The following AKAP14 variants were observed in gnomAD, a reference collection of about 807,000 sequenced individuals.
AKAP14 encodes A-kinase anchor protein 14.
A neutral mutation model predicts 17.0 loss-of-function variants in AKAP14; 4 were observed. The ratio of observed to expected loss-of-function variants is 0.23; its 90% CI spans 0.12 to 0.54. The LOEUF (loss-of-function observed/expected upper bound fraction) is 0.54. Among genes scored for constraint, AKAP14 ranks in the 20% least tolerant of loss-of-function variants. The pLI, the probability that AKAP14 is intolerant of heterozygous loss-of-function variation, is 0.95. For missense variants in AKAP14, 129 were observed against 150.9 expected (o/e 0.85, Z 0.76); for synonymous variants, 42 against 51.3 (o/e 0.82, Z 0.77).
intron 4 of AKAP14, among the ~76,000 whole-genome samples, chrX:119,907,618 C>T (rs1426545194): frequency 9.2e-6 from 1 of 109,102 alleles, no homozygotes; most frequent in Non-Finnish European, 1.9e-5. Flanking sequence ...GCACCATGGC[C>T]GAGTAAATTT....
rs764032199 is a variant in AKAP14, at chrX:119,903,386, G to A, written c.163G>A (p.Val55Met). 4.1e-6 allele frequency: 5 copies of A among 1,210,105 alleles called. No homozygotes were observed. Among genetic ancestry groups the A allele is most frequent in the Non-Finnish European group, 5.6e-6 (5 of 895,214 alleles). The change falls in exon 3 of 7, where the codon GTG becomes ATG. Residue 55 changes from valine to methionine, a missense_variant. By Grantham distance (21) the Val-to-Met change is conservative. Coordinates refer to ENST00000371431, the MANE Select transcript of AKAP14 (RefSeq NM_178813.6). ...EDVINYAVKI[V>M]EEERNPLKNI... ...TGTCATCAATTATGCTGTTAAGATTGTGGAAGGTAGTGATCCTGTTTGTTT... is the reference window on the plus strand; with the variant it reads ...TGTCATCAATTATGCTGTTAAGATTATGGAAGGTAGTGATCCTGTTTGTTT...
intron 4 of AKAP14, among the ~76,000 whole-genome samples, chrX:119,906,717 A>G (rs1419815287): frequency 9.2e-6 from 1 of 108,431 alleles, no homozygotes; most frequent in African/African-American, 3.3e-5. Flanking sequence ...TTTTATTTTT[A>G]ATTTTTAGTA....
intron 4 of AKAP14, among the ~76,000 whole-genome samples, chrX:119,906,378 G>A (rs1001363072): frequency 1.8e-5 from 2 of 108,156 alleles, no homozygotes; most frequent in Non-Finnish European, 3.8e-5. Flanking sequence ...GGGACTACAG[G>A]CGTGTGCCAC....
In AKAP14 at chrX:119,915,124, G is replaced by A. The variant is rs144652878; in HGVS notation, c.441+246G>A. Among the ~76,000 whole-genome samples the A allele has an allele frequency of 6.9e-3, 770 of 111,254 alleles. 6 individuals carry two copies. Among genetic ancestry groups the A allele is most frequent in the African/African-American group, 0.022 (661 of 30,705 alleles). On this transcript the variant is annotated intron_variant, in intron 5 of 6. Coordinates refer to ENST00000371431, the MANE Select transcript of AKAP14 (RefSeq NM_178813.6). ...CTCACTGACCATTCCTTCACAGTCC[G>A]TCTCTACTGGTAGTTTCCCTGCCTC... is the stretch of plus-strand genomic sequence containing the variant.
At position 119,902,906 on chromosome X, in the gene AKAP14, G is replaced by C. The variant is rs2147829253; in HGVS notation, c.-10-308G>C. On this transcript the variant is annotated intron_variant, in intron 2 of 6. Transcript: ENST00000371431. The stretch of plus-strand genomic sequence containing the variant: ...GGGTTTCACCATGTTGGTCAGGCTG[G>C]TCTTGAACTCCTGACCTCAGGTGAT... 2.7e-5 allele frequency among the ~76,000 whole-genome samples: 3 copies of C among 111,762 alleles called. No homozygotes were observed. The East Asian group carries it at 8.5e-4, about 31-fold the overall frequency.
chrX:119,900,833 G>A (rs1028636342), intron 2 of AKAP14, among the ~76,000 whole-genome samples: 3 of 112,165 alleles, frequency 2.7e-5, no homozygotes, highest in Admixed American at 9.6e-5. Context: ...CACTGCACCC[G>A]GCTGCCTGTA....
intron 4 of AKAP14, among the ~76,000 whole-genome samples, chrX:119,906,555 CAG>C (rs1174973256): frequency 1.0e-5 from 1 of 97,159 alleles, no homozygotes; most frequent in Non-Finnish European, 2.0e-5. Context: ...TTTTTTGAGA[CAG>C]AGTTTCACTC....
intron 6 of AKAP14, 96 bp downstream of exon 6, chrX:119,920,059 A>AT (rs1215725830): frequency 1.1e-6 from 1 of 911,888 alleles, no homozygotes; most frequent in Admixed American, 2.3e-5. Flanking sequence ...AGTTCATGTA[A>AT]TGGTCACTTT....
intron 4 of AKAP14, among the ~76,000 whole-genome samples, chrX:119,905,554 C>G (rs975925002): frequency 3.4e-4 from 38 of 111,591 alleles, no homozygotes; most frequent in African/African-American, 9.7e-4. Flanking sequence ...CCAATATGAT[C>G]TGAGTTCCCT....
intron 4 of AKAP14, among the ~76,000 whole-genome samples, chrX:119,913,735 C>A (rs1287929093): frequency 3.7e-5 from 4 of 109,480 alleles, no homozygotes; most frequent in African/African-American, 1.3e-4. Context: ...AAGATCACGC[C>A]ACTGCACTCC....
At chrX:119,899,680 A>G (rs2056553490) in intron 2 of AKAP14, among the ~76,000 whole-genome samples, 1 of 111,608 alleles carries the variant, frequency 9.0e-6, no homozygotes, top group Non-Finnish European at 1.9e-5. Flanking sequence ...AGAGGGCACC[A>G]TTTATGGGTG....
At chrX:119,915,707 T>C (rs751427525) in intron 5 of AKAP14, among the ~76,000 whole-genome samples, 2 of 111,845 alleles carry the variant, frequency 1.8e-5, no homozygotes, top group Admixed American at 1.9e-4. Flanking sequence ...GGTTTCACCA[T>C]GTTGGCCAGG....
chrX:119,903,267 A>C lies in AKAP14; in HGVS notation c.44A>C (p.Glu15Ala), dbSNP rs1317742573. 8.3e-7 allele frequency: 1 copy of C among 1,211,623 alleles called. No individual in the cohort carries two copies. Among genetic ancestry groups the C allele is most frequent in the Non-Finnish European group, 1.1e-6 (1 of 895,532 alleles). Reference protein sequence around the residue: ...QNSTSQKAMDEDNKAASQTMP... With the variant: ...QNSTSQKAMDADNKAASQTMP... ...TCAACAAGCCAGAAAGCAATGGATG[A>C]GGATAACAAAGCCGCAAGCCAAACA... Residue 15 changes from glutamate (E) to alanine (A), a missense_variant, in exon 3 of 7, where the codon GAG becomes GCG. Physicochemically the swap from Glu to Ala is moderately radical, Grantham distance 107. Transcript: ENST00000371431.
chrX:119,920,322 G>T (rs2056681870), intron 6 of AKAP14, among the ~76,000 whole-genome samples, 186 bp from the exon 7 acceptor site: 1 of 110,520 alleles, frequency 9.0e-6, no homozygotes, highest in African/African-American at 3.3e-5. Flanking sequence ...TCCTTTCATT[G>T]ACTGGGCTTA....
chrX:119,910,815 A>C (rs761686832), intron 4 of AKAP14, among the ~76,000 whole-genome samples: 2 of 108,805 alleles, frequency 1.8e-5, no homozygotes, highest in Non-Finnish European at 3.8e-5. Flanking sequence ...GGCATGCACC[A>C]CCACGCTGGG....
intron 2 of AKAP14, among the ~76,000 whole-genome samples, chrX:119,899,616 G>A (rs2056553108): frequency 9.0e-6 from 1 of 111,126 alleles, no homozygotes; most frequent in Admixed American, 9.6e-5. Flanking sequence ...AAACCACCAG[G>A]GACATACATT....
In AKAP14 at chrX:119,919,946, C is replaced by T. The variant is rs1007497568; in HGVS notation, c.477C>T (p.His159=). The T allele has an allele frequency of 3.6e-5, 44 of 1,207,845 alleles. No individual in the cohort carries two copies. The highest frequency in any genetic ancestry group is 4.7e-5 in the Non-Finnish European group (42 of 893,982). ...APIVVSYVGD[H]QALVHRPGMV... is the part of the protein sequence containing the mutation. ...TTGTTGTTTCTTATGTAGGTGACCA[C>T]CAAGCATTAGTTCACAGGTAATGAA... is the stretch of plus-strand genomic sequence containing the variant. Residue 159 remains histidine (H), a synonymous_variant, in exon 6 of 7, where the codon CAC becomes CAT. Transcript: ENST00000371431.
intron 4 of AKAP14, among the ~76,000 whole-genome samples, chrX:119,906,225 CTTTTTTTT>C (rs10637499): frequency 0.012 from 630 of 50,860 alleles, 10 homozygotes; most frequent in African/African-American, 0.052. Context: ...CCTGGCATTT[CTTTTTTTT>C]TTTTTTTTTT....
rs188440623 is a variant in AKAP14 at position 119,900,326 on chromosome X, C to A, written c.-10-2888C>A. Reference sequence around the variant, plus strand: ...CAGGCTGGTCTTGAACTCCTGACCTCAGGTGATCCACCCGCCTCGGCCTCC... The same window carrying A: ...CAGGCTGGTCTTGAACTCCTGACCTAAGGTGATCCACCCGCCTCGGCCTCC... On this transcript the variant is annotated intron_variant, in intron 2 of 6. Transcript: ENST00000371431. Among the ~76,000 whole-genome samples the A allele has an allele frequency of 1.2e-4, 14 of 112,278 alleles. No homozygotes were observed. The East Asian group carries it at 3.6e-3, about 29-fold the overall frequency.
Sources: allele counts gnomAD v4.1 joint callset (sites outside exome capture counted in the v4.1 genomes callset), GRCh38; gene constraint gnomAD v4.1.1; transcripts MANE v1.5; gene names NCBI Gene and HGNC (gene_info 2026-07-23, HGNC 2026-07-21).